The following SLC24A4 variants were observed in gnomAD, a reference collection of about 807,000 sequenced individuals.
SLC24A4 encodes sodium/potassium/calcium exchanger 4.
SLC24A4 carries 53 observed loss-of-function variants against 79.0 expected under a neutral mutation model. The ratio of observed to expected loss-of-function variants is 0.67; its 90% confidence interval spans 0.54 to 0.84. The LOEUF is 0.84. Ranked by LOEUF, SLC24A4 falls within the 40% of genes least tolerant of loss-of-function variation. The pLI is 0.00. For missense variants in SLC24A4, 731 were observed against 822.0 expected (o/e 0.89, Z 1.35); for synonymous variants, 323 against 323.8 (o/e 1.00, Z 0.03).
chr14:92,355,563 A>G (rs572577999), intron 2 of SLC24A4, among the ~76,000 whole-genome samples: 29 of 152,348 alleles, frequency 1.9e-4, no homozygotes, highest in African/African-American at 7.0e-4. Flanking sequence ...GCAGACATGG[A>G]TCTGGTGCTT....
intron 2 of SLC24A4, among the ~76,000 whole-genome samples, chr14:92,326,519 T>A (rs1885148028): frequency 6.6e-6 from 1 of 152,206 alleles, no homozygotes; most frequent in Non-Finnish European, 1.5e-5. Context: ...CGTTTTGATG[T>A]TCTTCTTCAG....
chr14:92,475,473 G>A (rs986312542), intron 12 of SLC24A4, among the ~76,000 whole-genome samples: 1 of 152,188 alleles, frequency 6.6e-6, no homozygotes, highest in African/African-American at 2.4e-5. Flanking sequence ...AAGGCTATGG[G>A]TCAACTTGGG....
At chr14:92,464,378 A>G (rs900804779) in intron 12 of SLC24A4, among the ~76,000 whole-genome samples, 2 of 152,160 alleles carry the variant, frequency 1.3e-5, no homozygotes, top group Admixed American at 6.5e-5. Flanking sequence ...AGCCAGGCCA[A>G]TATAGTACAT....
rs1398849116 is a variant in SLC24A4 at position 92,346,155 on chromosome 14, C to T, written c.241+20177C>T. Reference sequence around the variant, plus strand: ...GTGAACAGCAAGGAGGCTGGTGTGACTGATACAGACTGAACTCATTGAAAC... The same window carrying T: ...GTGAACAGCAAGGAGGCTGGTGTGATTGATACAGACTGAACTCATTGAAAC... On this transcript the variant is annotated intron_variant, in intron 2 of 16. Coordinates refer to ENST00000532405, the MANE Select transcript of SLC24A4 (RefSeq NM_153646.4). Among the ~76,000 whole-genome samples, 3 of 152,172 alleles carry T rather than the reference C, an allele frequency of 2.0e-5. 1 individual carries two copies. The highest frequency in any genetic ancestry group is 7.2e-5 in the African/African-American group (3 of 41,432).
intron 2 of SLC24A4, among the ~76,000 whole-genome samples, chr14:92,345,208 A>C (rs1402577652): frequency 6.6e-6 from 1 of 152,148 alleles, no homozygotes; most frequent in African/African-American, 2.4e-5. Context: ...CCATTCATTC[A>C]TCATTCATTC....
intron 10 of SLC24A4, chr14:92,450,250 T>G (rs1253828249): frequency 1.3e-5 from 2 of 152,214 alleles, no homozygotes; most frequent in African/African-American, 4.8e-5. Flanking sequence ...GTCTGGGACA[T>G]CTGGGGTGCA....
chr14:92,393,045 C>A (rs934760211), intron 2 of SLC24A4, among the ~76,000 whole-genome samples: 1 of 152,204 alleles, frequency 6.6e-6, no homozygotes, highest in South Asian at 2.1e-4. Flanking sequence ...TGTGAGGTCA[C>A]GTGGGAGGCG....
rs564962112 is a variant in SLC24A4 at position 92,334,757 on chromosome 14, T to C, written c.241+8779T>C. Among the ~76,000 whole-genome samples, 279 of 152,256 alleles carry C rather than the reference T, an allele frequency of 1.8e-3. 1 individual carries two copies. The highest frequency in any genetic ancestry group is 6.3e-3 in the African/African-American group (260 of 41,526). On this transcript the variant is annotated intron_variant, in intron 2 of 16. Transcript: ENST00000532405. ...TAATCTTGCTAAGCATCAGGATTTC[T>C]CTTTTGTAAAATGAGGATAGCAGCT...
intron 7 of SLC24A4, among the ~76,000 whole-genome samples, chr14:92,444,410 G>A (rs928426371): frequency 3.3e-5 from 5 of 152,148 alleles, no homozygotes; most frequent in South Asian, 2.1e-4. Flanking sequence ...GGGTGGTGCC[G>A]ATGTTGATGA....
rs552888891 is a variant in SLC24A4, at chr14:92,469,463, C to T, written c.1255+12855C>T. ...GGCAGAGCTCGCAGTGAGCCGAGATCGCGCCACTGCACTCCAGCCTGGGCA... is the reference window on the plus strand; with the variant it reads ...GGCAGAGCTCGCAGTGAGCCGAGATTGCGCCACTGCACTCCAGCCTGGGCA... On this transcript the variant is annotated intron_variant, in intron 12 of 16. Coordinates refer to ENST00000532405, the MANE Select transcript of SLC24A4 (RefSeq NM_153646.4). Among the ~76,000 whole-genome samples, 20 of 151,504 alleles carry T rather than the reference C, an allele frequency of 1.3e-4. No individual in the cohort carries two copies. In the South Asian group the frequency reaches 1.5e-3, roughly 11 times the overall value.
intron 13 of SLC24A4, among the ~76,000 whole-genome samples, chr14:92,485,205 T>A (rs1895283539): frequency 6.6e-6 from 1 of 152,214 alleles, no homozygotes; most frequent in Non-Finnish European, 1.5e-5. Context: ...GGCTCACACC[T>A]GTAATCCCAG....
chr14:92,491,217 A>C lies in SLC24A4; in HGVS notation c.1538-448A>C, dbSNP rs1213352143. Among the ~76,000 whole-genome samples, 4 of 152,222 alleles carry C rather than the reference A, an allele frequency of 2.6e-5. No homozygotes were observed. The East Asian group carries it at 7.7e-4, about 29-fold the overall frequency. On this transcript the variant is annotated intron_variant, in intron 14 of 16. Coordinates refer to ENST00000532405, the MANE Select transcript of SLC24A4 (RefSeq NM_153646.4). ...TTTTTCAATAACTGTGACCTCCTGC[A>C]CTGTGAATGCTCTGTGACATGAGAT...
At chr14:92,484,654 C>A in intron 13 of SLC24A4, 1 of 985,414 alleles carries the variant, frequency 1.0e-6, no homozygotes, top group Non-Finnish European at 1.2e-6. Flanking sequence ...CTTGGAACAC[C>A]CTGGCCTTGG....
intron 12 of SLC24A4, among the ~76,000 whole-genome samples, chr14:92,458,780 G>A (rs1443039963): frequency 2.0e-5 from 3 of 152,194 alleles, no homozygotes; most frequent in African/African-American, 4.8e-5. Context: ...CTGTGTCCAC[G>A]TGGGGCTGGG....
intron 12 of SLC24A4, among the ~76,000 whole-genome samples, chr14:92,458,959 T>A (rs1893640596): frequency 2.0e-5 from 3 of 152,170 alleles, no homozygotes; most frequent in Non-Finnish European, 4.4e-5. Flanking sequence ...CGACTTGCTG[T>A]CTGGAGAGTT....
intron 13 of SLC24A4, among the ~76,000 whole-genome samples, chr14:92,485,158 T>C (rs2139931010): frequency 6.6e-6 from 1 of 152,242 alleles, no homozygotes; most frequent in East Asian, 1.9e-4. Context: ...GATTTGGAAT[T>C]AGTTACTATC....
At chr14:92,465,450 A>G (rs1005752755) in intron 12 of SLC24A4, among the ~76,000 whole-genome samples, 7 of 152,092 alleles carry the variant, frequency 4.6e-5, no homozygotes, top group Non-Finnish European at 1.5e-5. Flanking sequence ...CAGCTCTGGG[A>G]CCCATTTACA....
In SLC24A4 at chr14:92,490,088, T is replaced by C. The variant is rs1895599498; in HGVS notation, c.1538-1577T>C. On this transcript the variant is annotated intron_variant, in intron 14 of 16. Transcript: ENST00000532405. The surrounding 1 kb of genome is among the most constrained non-coding windows in gnomAD (Gnocchi z 4.3). ...ACAAGCAGGGGAGGAGGAGGTGACC[T>C]AGCTATGCAACATGGGCGGGCTGGC... Among the ~76,000 whole-genome samples, 1 of 151,870 alleles carries C rather than the reference T, an allele frequency of 6.6e-6. No homozygotes were observed. Among genetic ancestry groups the C allele is most frequent in the Non-Finnish European group, 1.5e-5 (1 of 68,002 alleles).
intron 13 of SLC24A4, among the ~76,000 whole-genome samples, chr14:92,485,408 T>C (rs531397595): frequency 5.9e-4 from 89 of 151,986 alleles, no homozygotes; most frequent in African/African-American, 2.1e-3. Flanking sequence ...GAGGCCACAG[T>C]GAGCCATGGT....
Sources: gnomAD v4.1 joint callset for allele counts (sites outside exome capture counted in the v4.1 genomes callset) on GRCh38, gnomAD v4.1.1 for gene constraint, Gnocchi (gnomAD v3.1) non-coding constraint, MANE v1.5 for transcripts, NCBI Gene and HGNC (gene_info 2026-07-23, HGNC 2026-07-21) for gene names.